The following CDH4 variants were observed in gnomAD, a reference collection of about 807,000 sequenced individuals.
CDH4 encodes cadherin 4, also known as cadherin-4.
A neutral mutation model predicts 86.0 loss-of-function variants in CDH4; 33 were observed. The observed-to-expected ratio is 0.38, with a 90% CI of 0.29 to 0.51. The LOEUF (loss-of-function observed/expected upper bound fraction) is 0.51. CDH4 is among the 20% of genes least tolerant of loss of function. CDH4 has a pLI of 0.86. For missense variants in CDH4, 1,114 were observed against 1,307.4 expected (o/e 0.85, Z 2.28); for synonymous variants, 555 against 549.4 (o/e 1.01, Z -0.14).
chr20:61,407,468 G>A (rs2085090645), intron 2 of CDH4, among the ~76,000 whole-genome samples: 1 of 152,206 alleles, frequency 6.6e-6, no homozygotes, highest in Non-Finnish European at 1.5e-5. Context: ...GATTTGTTCA[G>A]ACAAATCATT....
At chr20:61,655,380 T>G (rs768284246) in intron 2 of CDH4, among the ~76,000 whole-genome samples, 11 of 152,068 alleles carry the variant, frequency 7.2e-5, no homozygotes, top group Non-Finnish European at 1.3e-4. Flanking sequence ...ACACACACAC[T>G]TACACACACA....
chr20:61,772,855 C>T (rs2088790426), intron 3 of CDH4, 148 bp from the exon 4 acceptor site: 1 of 546,048 alleles, frequency 1.8e-6, no homozygotes, highest in Non-Finnish European at 3.0e-6. Flanking sequence ...CAGCGTTATC[C>T]CGCCCTTCCC....
rs752451822 is a variant in CDH4, at chr20:61,681,864, G to A, written c.170-61699G>A. 2.3e-4 allele frequency among the ~76,000 whole-genome samples: 35 copies of A among 152,288 alleles called. No individual in the cohort carries two copies. The highest frequency in any genetic ancestry group is 2.1e-4 in the South Asian group (1 of 4,822). The stretch of plus-strand genomic sequence containing the variant: ...GTCTTTGAGGGTGTGTGGTGTATAC[G>A]GGAGCAAGCAGGTTCAGCAGAAAAT... On this transcript the variant is annotated intron_variant, in intron 2 of 15. Coordinates refer to ENST00000614565, the MANE Select transcript of CDH4 (RefSeq NM_001794.5). This position sits in a 1 kb window ranked among gnomAD's most constrained non-coding sequence, Gnocchi z 4.5.
chr20:61,798,102 C>T (rs928924716), intron 4 of CDH4, among the ~76,000 whole-genome samples: 6 of 152,210 alleles, frequency 3.9e-5, no homozygotes, highest in Admixed American at 3.3e-4. Context: ...GTTCCTTTGA[C>T]ACCCCTCGCC....
At chr20:61,255,790 A>ATG (rs894742698) in intron 2 of CDH4, among the ~76,000 whole-genome samples, 4 of 151,990 alleles carry the variant, frequency 2.6e-5, no homozygotes, top group East Asian at 1.9e-4. Flanking sequence ...GTTCCTGTGT[A>ATG]TGTGTGTGTG....
intron 2 of CDH4, among the ~76,000 whole-genome samples, chr20:61,374,401 A>G (rs2084855553): frequency 6.6e-6 from 1 of 152,024 alleles, no homozygotes; most frequent in African/African-American, 2.4e-5. Context: ...CCTGGGAGTT[A>G]CCTGGGAGTC....
At position 61,881,442 on chromosome 20, in the gene CDH4, C is replaced by T. The variant is rs577491565; in HGVS notation, c.1050+7542C>T. 5.3e-5 allele frequency among the ~76,000 whole-genome samples: 8 copies of T among 152,330 alleles called. No individual in the cohort carries two copies. The South Asian group carries it at 6.2e-4, about 12-fold the overall frequency. ...ACCATTTCATGGTGCAGCTCCCCAG[C>T]GAGCCGCTCCCGTGAGCCGGCCACA... On this transcript the variant is annotated intron_variant, in intron 7 of 15. Transcript: ENST00000614565.
At chr20:61,893,874 A>G (rs961517428) in intron 7 of CDH4, among the ~76,000 whole-genome samples, 2 of 151,958 alleles carry the variant, frequency 1.3e-5, no homozygotes, top group Non-Finnish European at 2.9e-5. Context: ...TGGATGGGTG[A>G]TGGTTGGAAA....
chr20:61,778,741 G>A (rs1241742600), intron 4 of CDH4, among the ~76,000 whole-genome samples: 2 of 152,126 alleles, frequency 1.3e-5, no homozygotes, highest in African/African-American at 4.8e-5. Flanking sequence ...CACAGTTACC[G>A]AACTGATTTT....
chr20:61,825,555 A>G (rs1981268506), intron 4 of CDH4, among the ~76,000 whole-genome samples: 1 of 152,206 alleles, frequency 6.6e-6, no homozygotes, highest in Non-Finnish European at 1.5e-5. Context: ...ATCTCAGTTA[A>G]TACTCACCCA....
intron 4 of CDH4, among the ~76,000 whole-genome samples, chr20:61,827,066 G>A (rs553139570): frequency 1.9e-4 from 29 of 151,984 alleles, no homozygotes; most frequent in African/African-American, 6.3e-4. Context: ...ACAAATGTGG[G>A]GAAGGAAGAG....
intron 4 of CDH4, among the ~76,000 whole-genome samples, chr20:61,818,300 C>T (rs766433475): frequency 2.0e-5 from 3 of 152,234 alleles, no homozygotes; most frequent in Non-Finnish European, 4.4e-5. Flanking sequence ...CCTCTCTGCA[C>T]TGTCCTCCCA....
At chr20:61,716,371 C>A (rs576464568) in intron 2 of CDH4, among the ~76,000 whole-genome samples, 1 of 151,640 alleles carries the variant, frequency 6.6e-6, no homozygotes, top group Admixed American at 6.6e-5. Context: ...GCCTGTGAGC[C>A]TCCTCTTGGC....
intron 2 of CDH4, among the ~76,000 whole-genome samples, chr20:61,416,540 C>T (rs1205775573): frequency 6.6e-6 from 1 of 152,180 alleles, no homozygotes; most frequent in Admixed American, 6.5e-5. Flanking sequence ...GTTTCGTGAA[C>T]GAGTTTGTTT....
chr20:61,829,112 C>G lies in CDH4; in HGVS notation c.577-15556C>G, dbSNP rs1199541049. Among the ~76,000 whole-genome samples, 1 of 152,242 alleles carries G rather than the reference C, an allele frequency of 6.6e-6. No homozygotes were observed. The highest frequency in any genetic ancestry group is 1.5e-5 in the Non-Finnish European group (1 of 68,040). On this transcript the variant is annotated intron_variant, in intron 4 of 15. Coordinates refer to ENST00000614565, the MANE Select transcript of CDH4 (RefSeq NM_001794.5). The surrounding 1 kb of genome is among the most constrained non-coding windows in gnomAD (Gnocchi z 4.2). ...TCCAGCTGTGCGGCCCAGTTCCTAA[C>G]AGGCCACAGACCGGTACCGGGTTGG...
chr20:61,803,132 T>C (rs371553907), intron 4 of CDH4, among the ~76,000 whole-genome samples: 55 of 152,250 alleles, frequency 3.6e-4, no homozygotes, highest in African/African-American at 1.2e-3. Flanking sequence ...GAGTCGCAGC[T>C]CCGTCGTTGA....
chr20:61,738,272 T>C (rs1205534905), intron 2 of CDH4: 1 of 152,194 alleles, frequency 6.6e-6, no homozygotes, highest in Non-Finnish European at 1.5e-5. Context: ...TTAAAACTAA[T>C]GGAAGTAATT....
intron 2 of CDH4, among the ~76,000 whole-genome samples, chr20:61,585,276 A>G (rs2086460543): frequency 6.6e-6 from 1 of 152,218 alleles, no homozygotes; most frequent in African/African-American, 2.4e-5. Context: ...GGTCATTTCC[A>G]GCGTTTTCCT....
In CDH4 at chr20:61,724,095, A is replaced by C. The variant is rs1346026385; in HGVS notation, c.170-19468A>C. 3.5e-3 allele frequency among the ~76,000 whole-genome samples: 485 copies of C among 140,020 alleles called. 4 individuals carry two copies. The highest frequency in any genetic ancestry group is 0.013 in the African/African-American group (465 of 35,754). The allele number at this position is 140,020 out of a possible 152,430, so 91.9% of individuals were successfully genotyped here. A position where few individuals can be genotyped will look rare whatever the true frequency, so the allele number is the denominator to read the frequency against. On this transcript the variant is annotated intron_variant, in intron 2 of 15. Coordinates refer to ENST00000614565, the MANE Select transcript of CDH4 (RefSeq NM_001794.5). Reference sequence around the variant, plus strand: ...CATGCGGCAGGGCGGGTGGGTCCCCATGCAGGGGGCACAGGATGGAGGCTC... The same window carrying C: ...CATGCGGCAGGGCGGGTGGGTCCCCCTGCAGGGGGCACAGGATGGAGGCTC...
Sources: gnomAD v4.1 joint callset for allele counts (sites outside exome capture counted in the v4.1 genomes callset) on GRCh38, gnomAD v4.1.1 for gene constraint, Gnocchi (gnomAD v3.1) non-coding constraint, MANE v1.5 for transcripts, NCBI Gene and HGNC (gene_info 2026-07-23, HGNC 2026-07-21) for gene names.